MYO3B: variants seen among roughly 807,000 people sequenced by gnomAD.
MYO3B encodes myosin IIIB.
MYO3B carries 156 observed loss-of-function variants against 174.6 expected under a neutral mutation model. The ratio of observed to expected loss-of-function variants is 0.89; its 90% CI spans 0.78 to 1.02. The LOEUF (loss-of-function observed/expected upper bound fraction) is 1.02. MYO3B is among the 50% of genes least tolerant of loss of function. MYO3B has a pLI of 0.00. For missense variants in MYO3B, 1,632 were observed against 1,639.4 expected (o/e 1.00, Z 0.08); for synonymous variants, 563 against 569.1 (o/e 0.99, Z 0.15).
At position 170,280,219 on chromosome 2, in the gene MYO3B, T is replaced by C. The variant is rs551091085; in HGVS notation, c.749+44083T>C. ...TGCATTTCTTTAATGATCAGTGATG[T>C]TGAGCTTTTTTTCATATGATTATTG... On this transcript the variant is annotated intron_variant, in intron 7 of 34. Coordinates refer to ENST00000408978, the MANE Select transcript of MYO3B (RefSeq NM_138995.5). Among the ~76,000 whole-genome samples the C allele has an allele frequency of 3.9e-5, 6 of 152,316 alleles. No individual in the cohort carries two copies. In the East Asian group the frequency reaches 9.6e-4, roughly 24 times the overall value.
At chr2:170,251,255 A>T (rs2105330628) in intron 7 of MYO3B, among the ~76,000 whole-genome samples, 1 of 151,988 alleles carries the variant, frequency 6.6e-6, no homozygotes, top group South Asian at 2.1e-4. Context: ...TTTATGTTAG[A>T]GTTCAGAGGA....
chr2:170,607,034 A>G (rs1056672874), intron 32 of MYO3B, among the ~76,000 whole-genome samples: 3 of 152,174 alleles, frequency 2.0e-5, no homozygotes, highest in African/African-American at 7.2e-5. Context: ...AAATAAAATA[A>G]AACAAAATAA....
intron 22 of MYO3B, among the ~76,000 whole-genome samples, chr2:170,417,286 C>A (rs999432129): frequency 6.6e-6 from 1 of 152,120 alleles, no homozygotes; most frequent in African/African-American, 2.4e-5. Context: ...TATCTCTATC[C>A]CTGCCCCCAC....
At chr2:170,208,763 C>T (rs958694208) in intron 3 of MYO3B, among the ~76,000 whole-genome samples, 1 of 152,144 alleles carries the variant, frequency 6.6e-6, no homozygotes, top group Non-Finnish European at 1.5e-5. Flanking sequence ...GAGTTGCTGG[C>T]AAAATAGACT....
At position 170,403,245 on chromosome 2, in the gene MYO3B, G is replaced by A. The variant is rs187397958; in HGVS notation, c.2277+250G>A. Among the ~76,000 whole-genome samples the A allele has an allele frequency of 8.0e-5, 12 of 150,436 alleles. No individual in the cohort carries two copies. The East Asian group carries it at 1.2e-3, about 15-fold the overall frequency. On this transcript the variant is annotated intron_variant, in intron 19 of 34. Coordinates refer to ENST00000408978, the MANE Select transcript of MYO3B (RefSeq NM_138995.5). Reference sequence around the variant, plus strand: ...TTAAATTTTGTGTCAAAACTCTTTCGTGCATATTGCTCAAAATACTGTATC... The same window carrying A: ...TTAAATTTTGTGTCAAAACTCTTTCATGCATATTGCTCAAAATACTGTATC...
At chr2:170,645,977 A>G (rs1055942592) in intron 32 of MYO3B, among the ~76,000 whole-genome samples, 3 of 152,150 alleles carry the variant, frequency 2.0e-5, no homozygotes, top group African/African-American at 7.2e-5. Flanking sequence ...TTTTACTGCT[A>G]TAAAAGTGTT....
rs757990934 is a variant in MYO3B at position 170,543,974 on chromosome 2, C to A, written c.3719C>A (p.Ala1240Asp). 2.5e-6 allele frequency: 4 copies of A among 1,612,054 alleles called. No homozygotes were observed. Among genetic ancestry groups the A allele is most frequent in the Admixed American group, 1.7e-5 (1 of 59,966 alleles). ...PDQQGLSLWG[A>D]PQKPGSENGL... ...CAGCAAGGATTGAGTCTCTGGGGAG[C>A]CCCTCAAAAGCCTGGTAAGAAGAAC... The change falls in exon 32 of 35, where the codon GCC (alanine) becomes GAC (aspartate). Residue 1240 changes from alanine to aspartate, a missense_variant. Physicochemically the swap from Ala to Asp is moderately radical, Grantham distance 126. Transcript: ENST00000408978.
intron 3 of MYO3B, among the ~76,000 whole-genome samples, chr2:170,209,806 C>G (rs1199106398): frequency 1.3e-5 from 2 of 152,126 alleles, no homozygotes; most frequent in East Asian, 3.8e-4. Flanking sequence ...TTTTAAAAAT[C>G]CCATACAATT....
rs1349625878 is a variant in MYO3B, at chr2:170,466,537, T to A, written c.2840T>A (p.Val947Glu). The change falls in exon 25 of 35, where the codon GTG becomes GAG. Residue 947 changes from valine (V) to glutamate (E), a missense_variant. Physicochemically the swap from Val to Glu is moderately radical, Grantham distance 121. Coordinates refer to ENST00000408978, the MANE Select transcript of MYO3B (RefSeq NM_138995.5). ...CTGATGGACCTGCTCTCCAAAATGG[T>A]GGTTGGACAGCCCCACTTTGTGCGC... is the stretch of plus-strand genomic sequence containing the variant. ...YSLMDLLSKM[V>E]VGQPHFVRCI... 1.2e-6 allele frequency: 2 copies of A among 1,614,186 alleles called. No individual in the cohort carries two copies. Among genetic ancestry groups the A allele is most frequent in the Non-Finnish European group, 1.7e-6 (2 of 1,180,026 alleles).
intron 32 of MYO3B, among the ~76,000 whole-genome samples, chr2:170,624,165 G>A (rs979958878): frequency 5.3e-5 from 8 of 152,218 alleles, no homozygotes; most frequent in African/African-American, 1.4e-4. Context: ...ACCTAGGGCA[G>A]TATGGTCATT....
chr2:170,507,499 A>C (rs1354717132), intron 28 of MYO3B, among the ~76,000 whole-genome samples: 1 of 152,048 alleles, frequency 6.6e-6, no homozygotes, highest in Admixed American at 6.6e-5. Flanking sequence ...TCCTGAGTTC[A>C]AGGGATTCTC....
At chr2:170,414,595 C>T (rs567938862) in intron 22 of MYO3B, among the ~76,000 whole-genome samples, 23 of 152,282 alleles carry the variant, frequency 1.5e-4, no homozygotes, top group Non-Finnish European at 2.9e-4. Context: ...ATTTTAAATG[C>T]AGCTTGTCTA....
chr2:170,203,566 T>G (rs1292713849), intron 3 of MYO3B, among the ~76,000 whole-genome samples: 2 of 152,008 alleles, frequency 1.3e-5, no homozygotes, highest in East Asian at 3.8e-4. Flanking sequence ...GATGGACCTT[T>G]GTCCAGATTT....
At chr2:170,639,872 T>A (rs1697830456) in intron 32 of MYO3B, among the ~76,000 whole-genome samples, 1 of 152,146 alleles carries the variant, frequency 6.6e-6, no homozygotes, top group South Asian at 2.1e-4. Flanking sequence ...AGAGAAATGA[T>A]TTTCCCAGTG....
chr2:170,444,994 T>C (rs1414958747), intron 23 of MYO3B, among the ~76,000 whole-genome samples: 1 of 152,182 alleles, frequency 6.6e-6, no homozygotes, highest in East Asian at 1.9e-4. Flanking sequence ...TTGTGCTCTC[T>C]AAAGTTGCTG....
intron 32 of MYO3B, among the ~76,000 whole-genome samples, chr2:170,608,767 CTG>C: frequency 6.6e-6 from 1 of 152,188 alleles, no homozygotes; most frequent in South Asian, 2.1e-4. Flanking sequence ...TGATCTAAAA[CTG>C]AGAGATGCAA....
At chr2:170,335,742 A>G (rs1175524550) in intron 8 of MYO3B, among the ~76,000 whole-genome samples, 5 of 152,156 alleles carry the variant, frequency 3.3e-5, no homozygotes, top group Admixed American at 1.3e-4. Context: ...TTTAATGGGG[A>G]GAGATGAAAC....
intron 32 of MYO3B, among the ~76,000 whole-genome samples, chr2:170,642,407 T>C (rs1698044759): frequency 6.6e-6 from 1 of 152,204 alleles, no homozygotes; most frequent in Non-Finnish European, 1.5e-5. Flanking sequence ...AAGAAGATTG[T>C]TCATGACATA....
At chr2:170,572,614 A>G (rs892566174) in intron 32 of MYO3B, among the ~76,000 whole-genome samples, 1 of 151,250 alleles carries the variant, frequency 6.6e-6, no homozygotes, top group African/African-American at 2.4e-5. Context: ...TATCAAAAAA[A>G]AAAAAAAAAA....
Sources: allele counts gnomAD v4.1 joint callset (sites outside exome capture counted in the v4.1 genomes callset), GRCh38; gene constraint gnomAD v4.1.1; transcripts MANE v1.5; gene names NCBI Gene and HGNC (gene_info 2026-07-23, HGNC 2026-07-21).